The following PEDS1 variants were observed in gnomAD, a reference collection of about 807,000 sequenced individuals.
PEDS1 encodes the protein plasmanylethanolamine desaturase 1.
A neutral mutation model predicts 35.2 loss-of-function variants in PEDS1; 14 were observed. The observed-to-expected ratio is 0.40, with a 90% CI of 0.26 to 0.62. The LOEUF (loss-of-function observed/expected upper bound fraction) is 0.62, where lower values mean the gene tolerates loss of function less well. Among genes scored for constraint, PEDS1 ranks in the 20% least tolerant of loss-of-function variants. PEDS1 has a pLI of 0.44. For missense variants in PEDS1, 260 were observed against 367.8 expected (o/e 0.71, Z 2.40); for synonymous variants, 152 against 152.0 (o/e 1.00, Z 0.00).
In PEDS1 at chr20:50,128,138, G is replaced by T. The variant is rs145281721; in HGVS notation, c.528C>A (p.Ile176=). The T allele has an allele frequency of 7.3e-4, 1,175 of 1,614,020 alleles. 2 individuals carry two copies. Among genetic ancestry groups the T allele is most frequent in the Non-Finnish European group, 9.6e-4 (1,127 of 1,180,036 alleles). ...YPWECFVFCL[I]IFGTFTNQIH... ...TCTGGTTGGTGAAGGTGCCGAAGAT[G>T]ATCAGGCAGAAGACGAAGCACTCCC... The change falls in exon 5 of 6, where the codon ATC becomes ATA. Residue 176 remains isoleucine, a synonymous_variant. Coordinates refer to ENST00000371652, the MANE Select transcript of PEDS1 (RefSeq NM_199129.4). The surrounding 1 kb of genome is among the most constrained non-coding windows in gnomAD (Gnocchi z 5.2).
chr20:50,136,098 TAAA>T (rs796896597), intron 2 of PEDS1, among the ~76,000 whole-genome samples: 1 of 145,568 alleles, frequency 6.9e-6, no homozygotes, highest in East Asian at 2.0e-4. Flanking sequence ...CTACTTTTTT[TAAA>T]AAAAAAAACC....
intron 5 of PEDS1, among the ~76,000 whole-genome samples, chr20:50,125,544 TTATCTATCTATC>T (rs57011944): frequency 0.15 from 22,284 of 147,382 alleles, 1,769 homozygotes; most frequent in Non-Finnish European, 0.17. Flanking sequence ...ACATTACCCT[TTATCTATCTATC>T]TATCTATCTA....
chr20:50,133,513 CTGGGCAGTCTTGCCCATT>C, intron 2 of PEDS1, among the ~76,000 whole-genome samples: 1 of 152,292 alleles, frequency 6.6e-6, no homozygotes, highest in African/African-American at 2.4e-5. Flanking sequence ...CTGCTCTGGT[CTGGGCAGTCTTGCCCATT>C]TGTGATGGGG....
Position 50,121,239 on chromosome 20 carries a change from T to G in PEDS1, c.*3819A>C, listed in dbSNP as rs1037152539. On this transcript the variant is annotated 3_prime_UTR_variant, in exon 6 of 6. Transcript: ENST00000371652. The stretch of plus-strand genomic sequence containing the variant: ...CTCCAGGTCATCCCAGTCCCCAGCG[T>G]CAGCGGCCCTTTCTCAGGCATGCTG... The G allele has an allele frequency of 6.6e-6, 1 of 152,270 alleles. No homozygotes were observed. Among genetic ancestry groups the G allele is most frequent in the Non-Finnish European group, 1.5e-5 (1 of 68,056 alleles). The allele number at this position is 152,270 out of a possible 1,614,324, so 9.4% of individuals were successfully genotyped here. A position where few individuals can be genotyped will look rare whatever the true frequency, so the allele number is the denominator to read the frequency against.
rs1438260409 is a variant in PEDS1 at position 50,120,497 on chromosome 20, C to A, written c.*4561G>T. 7.1e-6 allele frequency: 1 copy of A among 140,762 alleles called. No individual in the cohort carries two copies. The highest frequency in any genetic ancestry group is 7.1e-5 in the Admixed American group (1 of 14,154). 8.7% of individuals were successfully genotyped at this position (140,762 alleles called of 1,614,324 possible). A position where few individuals can be genotyped will look rare whatever the true frequency, so the allele number is the denominator to read the frequency against. ...ATATATTGCTATATATATATATATA[C>A]CCATATATATATGTGGGTAGCTTGA... On this transcript the variant is annotated 3_prime_UTR_variant, in exon 6 of 6. Transcript: ENST00000371652.
chr20:50,125,723 G>C (rs1203005112), intron 5 of PEDS1, among the ~76,000 whole-genome samples: 5 of 152,112 alleles, frequency 3.3e-5, no homozygotes, highest in African/African-American at 7.2e-5. Flanking sequence ...CCTCCGAGTA[G>C]CTGAGACTAC....
At chr20:50,125,586 ATCT>A (rs2081093666) in intron 5 of PEDS1, among the ~76,000 whole-genome samples, 3 of 137,062 alleles carry the variant, frequency 2.2e-5, no homozygotes, top group African/African-American at 7.9e-5. Flanking sequence ...CTATCTATCT[ATCT>A]ATCATTTATC....
intron 5 of PEDS1, among the ~76,000 whole-genome samples, chr20:50,125,854 C>A (rs1237433307): frequency 6.6e-6 from 1 of 152,142 alleles, no homozygotes. Flanking sequence ...GCCTCCCAAA[C>A]TGCTGGGATT....
intron 2 of PEDS1, among the ~76,000 whole-genome samples, chr20:50,142,682 GC>G (rs3091914): frequency 0.12 from 4,069 of 33,898 alleles, 478 homozygotes; most frequent in African/African-American, 0.28. Context: ...CAAGTCATCC[GC>G]CCCCCCCCCC....
chr20:50,130,060 G>T (rs1434536419), intron 3 of PEDS1, among the ~76,000 whole-genome samples: 1 of 152,166 alleles, frequency 6.6e-6, no homozygotes, highest in Non-Finnish European at 1.5e-5. Context: ...ACCTGCTGGG[G>T]TAACAGCCTC....
rs1417034776 is a variant in PEDS1 at position 50,120,632 on chromosome 20, C to G, written c.*4426G>C. The G allele has an allele frequency of 6.6e-6, 1 of 151,790 alleles. No individual in the cohort carries two copies. Among genetic ancestry groups the G allele is most frequent in the African/African-American group, 2.4e-5 (1 of 41,268 alleles). The allele number at this position is 151,790 out of a possible 1,614,324, so 9.4% of individuals were successfully genotyped here. A position where few individuals can be genotyped will look rare whatever the true frequency, so the allele number is the denominator to read the frequency against. ...GGCCGATCGCTTGAGCTCAGGCGTTCGAGACCAGCCTGGGCAACATGGTGA... is the reference window on the plus strand; with the variant it reads ...GGCCGATCGCTTGAGCTCAGGCGTTGGAGACCAGCCTGGGCAACATGGTGA... On this transcript the variant is annotated 3_prime_UTR_variant, in exon 6 of 6. Coordinates refer to ENST00000371652, the MANE Select transcript of PEDS1 (RefSeq NM_199129.4).
intron 2 of PEDS1, among the ~76,000 whole-genome samples, chr20:50,134,615 G>A (rs1017968649): frequency 6.6e-6 from 1 of 152,244 alleles, no homozygotes; most frequent in Non-Finnish European, 1.5e-5. Flanking sequence ...GTGGCTGGAT[G>A]TCATAAGGGT....
At chr20:50,142,682 G>GCCC (rs3091914) in intron 2 of PEDS1, among the ~76,000 whole-genome samples, 7 of 33,940 alleles carry the variant, frequency 2.1e-4, no homozygotes, top group African/African-American at 7.3e-4. Context: ...CAAGTCATCC[G>GCCC]CCCCCCCCCC....
chr20:50,127,231 T>C (rs2081116208), intron 5 of PEDS1, among the ~76,000 whole-genome samples: 1 of 152,208 alleles, frequency 6.6e-6, no homozygotes, highest in Non-Finnish European at 1.5e-5. Context: ...CCTGCTTTAT[T>C]TTCCTCCATA....
At chr20:50,153,476 G>A (rs1452893790) in intron 1 of PEDS1, 41 bp downstream of exon 1, 3 of 1,304,646 alleles carry the variant, frequency 2.3e-6, no homozygotes, top group African/African-American at 1.5e-5. Context: ...CGCAGCCGGG[G>A]CTGGTGACCG....
Position 50,153,656 on chromosome 20 carries a change from C to G in PEDS1, c.-19G>C, listed in dbSNP as rs1017723273. ...CCGCCATGGCCACTCGCCCGATCGG[C>G]CCGGTGCGCTCTGCTGGCGGCGGCG... On this transcript the variant is annotated 5_prime_UTR_variant, in exon 1 of 6. Transcript: ENST00000371652. 12 of 1,225,520 alleles carry G rather than the reference C, an allele frequency of 9.8e-6. No homozygotes were observed. The highest frequency in any genetic ancestry group is 1.6e-5 in the African/African-American group (1 of 64,014). 75.9% of individuals were successfully genotyped at this position (1,225,520 alleles called of 1,614,324 possible).
chr20:50,151,656 G>C (rs919760693), intron 1 of PEDS1, among the ~76,000 whole-genome samples: 1 of 152,112 alleles, frequency 6.6e-6, no homozygotes, highest in Non-Finnish European at 1.5e-5. Flanking sequence ...TCAAGAGATC[G>C]AGACCACCCT....
intron 2 of PEDS1, among the ~76,000 whole-genome samples, chr20:50,137,823 A>G (rs905653159): frequency 6.6e-6 from 1 of 152,200 alleles, no homozygotes; most frequent in African/African-American, 2.4e-5. Context: ...GTGGGCCGAG[A>G]TTGCGCCACT....
chr20:50,132,499 C>T (rs1395681663), intron 2 of PEDS1, among the ~76,000 whole-genome samples: 1 of 152,202 alleles, frequency 6.6e-6, no homozygotes, highest in East Asian at 1.9e-4. Context: ...AGATGCAACA[C>T]AGCTCACTCC....
Sources: gnomAD v4.1 joint callset for allele counts (sites outside exome capture counted in the v4.1 genomes callset) on GRCh38, gnomAD v4.1.1 for gene constraint, Gnocchi (gnomAD v3.1) non-coding constraint, MANE v1.5 for transcripts, NCBI Gene and HGNC (gene_info 2026-07-23, HGNC 2026-07-21) for gene names.